The following NPAS3 variants were observed in gnomAD, a reference collection of about 807,000 sequenced individuals.
NPAS3 encodes the protein neuronal PAS domain-containing protein 3.
A neutral mutation model predicts 73.1 loss-of-function variants in NPAS3; 14 were observed. The observed-to-expected ratio is 0.19, with a 90% confidence interval of 0.13 to 0.30. The LOEUF (loss-of-function observed/expected upper bound fraction) is 0.30. NPAS3 is among the 10% of genes least tolerant of loss of function. NPAS3 has a pLI of 1.00. For synonymous variants in NPAS3, 620 were observed against 541.5 expected (o/e 1.14, Z -2.01); for missense variants, 1,096 against 1,250.0 (o/e 0.88, Z 1.86).
intron 1 of NPAS3, among the ~76,000 whole-genome samples, chr14:33,011,195 C>T (rs989179967): frequency 2.6e-5 from 4 of 152,242 alleles, no homozygotes; most frequent in African/African-American, 9.6e-5. Flanking sequence ...TCATTTTTCA[C>T]CATGCATTTG....
intron 11 of NPAS3, among the ~76,000 whole-genome samples, chr14:33,798,511 G>A (rs1270469842): frequency 6.6e-6 from 1 of 152,104 alleles, no homozygotes; most frequent in Non-Finnish European, 1.5e-5. Flanking sequence ...TGTGTTACTG[G>A]AAAAATCTGT....
intron 5 of NPAS3, among the ~76,000 whole-genome samples, chr14:33,662,145 T>A (rs1202362851): frequency 1.3e-5 from 2 of 151,834 alleles, no homozygotes; most frequent in East Asian, 3.9e-4. Context: ...TTTGAAAGAG[T>A]CTTTCAGTTA....
intron 4 of NPAS3, among the ~76,000 whole-genome samples, chr14:33,460,623 C>T (rs539558045): frequency 1.2e-3 from 189 of 152,232 alleles, no homozygotes; most frequent in African/African-American, 4.0e-3. Context: ...CGTATATTTT[C>T]GGCGTACCCT....
intron 3 of NPAS3, among the ~76,000 whole-genome samples, chr14:33,291,642 T>C (rs1462860738): frequency 6.6e-6 from 1 of 152,234 alleles, no homozygotes; most frequent in Non-Finnish European, 1.5e-5. Context: ...CTTTATATTT[T>C]TGAGGTATTC....
At chr14:33,639,376 A>G (rs1037180031) in intron 5 of NPAS3, among the ~76,000 whole-genome samples, 3 of 152,182 alleles carry the variant, frequency 2.0e-5, no homozygotes, top group African/African-American at 4.8e-5. Flanking sequence ...AACAATCTAA[A>G]AAAAAATTGT....
intron 4 of NPAS3, among the ~76,000 whole-genome samples, chr14:33,554,798 A>C (rs2055279998): frequency 6.6e-6 from 1 of 152,210 alleles, no homozygotes; most frequent in African/African-American, 2.4e-5. Flanking sequence ...GCAGAGGCAA[A>C]ACTCCTTTGA....
chr14:33,718,996 T>C (rs1422326552), intron 6 of NPAS3, among the ~76,000 whole-genome samples: 1 of 152,054 alleles, frequency 6.6e-6, no homozygotes, highest in African/African-American at 2.4e-5. Flanking sequence ...GGTGTGGTGG[T>C]GTGCATCTGT....
intron 2 of NPAS3, among the ~76,000 whole-genome samples, chr14:33,205,460 T>C (rs1192046551): frequency 6.6e-6 from 1 of 152,228 alleles, no homozygotes; most frequent in Non-Finnish European, 1.5e-5. Flanking sequence ...TTTGGATATG[T>C]AGTTGCTAAA....
chr14:33,683,602 T>A (rs924815251), intron 6 of NPAS3, among the ~76,000 whole-genome samples: 4 of 152,216 alleles, frequency 2.6e-5, no homozygotes, highest in African/African-American at 9.6e-5. Context: ...GAATTCTTCA[T>A]CTGCACTAAA....
chr14:33,454,619 A>G (rs2049943319), intron 4 of NPAS3, among the ~76,000 whole-genome samples: 1 of 152,302 alleles, frequency 6.6e-6, no homozygotes, highest in African/African-American at 2.4e-5. Flanking sequence ...GTAAGTAAGT[A>G]TAGGCATGCA....
intron 1 of NPAS3, among the ~76,000 whole-genome samples, chr14:33,022,013 T>C (rs949860562): frequency 1.2e-4 from 19 of 152,210 alleles, no homozygotes; most frequent in Non-Finnish European, 2.4e-4. Flanking sequence ...AGTCGCAGGC[T>C]GGACATTCCA....
intron 4 of NPAS3, among the ~76,000 whole-genome samples, chr14:33,447,572 A>T (rs2049576383): frequency 6.6e-6 from 1 of 152,184 alleles, no homozygotes; most frequent in South Asian, 2.1e-4. Flanking sequence ...ACCACTATGG[A>T]AAGAAGAGAA....
chr14:33,577,033 G>A (rs28522381), intron 5 of NPAS3, among the ~76,000 whole-genome samples: 58,742 of 152,062 alleles, frequency 0.39, 11,915 homozygotes, highest in African/African-American at 0.51. Flanking sequence ...CAACTTGCAA[G>A]GCCAAAGCCA....
intron 2 of NPAS3, among the ~76,000 whole-genome samples, chr14:33,129,902 A>G (rs773438649): frequency 3.3e-5 from 5 of 152,148 alleles, no homozygotes; most frequent in Non-Finnish European, 5.9e-5. Context: ...AACTCCTTGA[A>G]CTGAGATCAA....
intron 4 of NPAS3, among the ~76,000 whole-genome samples, chr14:33,537,569 C>A (rs1393561351): frequency 6.6e-6 from 1 of 152,102 alleles, no homozygotes; most frequent in Non-Finnish European, 1.5e-5. Context: ...CCAGTGAGAT[C>A]ATCAACCTTA....
chr14:33,641,801 T>C (rs967193188), intron 5 of NPAS3, among the ~76,000 whole-genome samples: 5 of 152,198 alleles, frequency 3.3e-5, no homozygotes, highest in East Asian at 1.9e-4. Context: ...ATTTCTGTTA[T>C]AATTCTTTGT....
intron 5 of NPAS3, among the ~76,000 whole-genome samples, chr14:33,636,015 G>A (rs1030855225): frequency 2.6e-5 from 4 of 152,050 alleles, no homozygotes; most frequent in South Asian, 2.1e-4. Context: ...CACGATCTCC[G>A]CCTCCCAGCG....
intron 3 of NPAS3, among the ~76,000 whole-genome samples, chr14:33,328,868 G>A (rs2043845206): frequency 6.6e-6 from 1 of 152,062 alleles, no homozygotes; most frequent in African/African-American, 2.4e-5. Flanking sequence ...TATGGCTTTA[G>A]TGGTGTCCCA....
intron 4 of NPAS3, among the ~76,000 whole-genome samples, chr14:33,447,543 C>A (rs866975577): frequency 2.2e-4 from 34 of 152,096 alleles, no homozygotes; most frequent in African/African-American, 6.5e-4. Context: ...AAGAGGATTT[C>A]GATATTAGGA....
Sources: gnomAD v4.1 joint callset for allele counts (sites outside exome capture counted in the v4.1 genomes callset) on GRCh38, gnomAD v4.1.1 for gene constraint, MANE v1.5 for transcripts, NCBI Gene and HGNC (gene_info 2026-07-23, HGNC 2026-07-21) for gene names.